The following COL18A1 variants were observed in gnomAD, a reference collection of about 807,000 sequenced individuals.
COL18A1 encodes the protein collagen type XVIII alpha 1 chain, also known as collagen alpha-1(XVIII) chain.
A neutral mutation model predicts 168.0 loss-of-function variants in COL18A1; 133 were observed. The observed-to-expected ratio is 0.79, with a 90% confidence interval of 0.69 to 0.91. The LOEUF is 0.91. COL18A1 is among the 40% of genes least tolerant of loss of function. The pLI is 0.00. For missense variants in COL18A1, 2,126 were observed against 1,925.4 expected (o/e 1.10, Z -1.95); for synonymous variants, 949 against 809.0 (o/e 1.17, Z -2.94).
chr21:45,441,890 C>T lies in COL18A1; in HGVS notation c.107-26352C>T, dbSNP rs1015223926. 9.4e-4 allele frequency among the ~76,000 whole-genome samples: 143 copies of T among 152,344 alleles called. 1 individual carries two copies. Among genetic ancestry groups the T allele is most frequent in the African/African-American group, 3.2e-3 (135 of 41,584 alleles). On this transcript the variant is annotated intron_variant, in intron 2 of 41. Coordinates refer to ENST00000651438, the MANE Select transcript of COL18A1 (RefSeq NM_001379500.1). The stretch of plus-strand genomic sequence containing the variant: ...ACTCCCCATGCCACTCCCAAGGCCA[C>T]GGGAGGCCGCCCTCAGCACAGGGTC...
In COL18A1 at chr21:45,492,714, G is replaced by C. The variant is rs151228115; in HGVS notation, c.2214+1G>C. On this transcript the variant is annotated splice_donor_variant, in intron 24 of 41. Coordinates refer to ENST00000651438, the MANE Select transcript of COL18A1 (RefSeq NM_001379500.1). LOFTEE classifies it high-confidence loss of function. ...CCGGCCGGGTTTCGCAGGCTTTCCC[G>C]TGAGTAACCTGGTGCCAGAGCTGCA... 4.4e-6 allele frequency: 7 copies of C among 1,606,644 alleles called. No homozygotes were observed. The highest frequency in any genetic ancestry group is 4.0e-5 in the African/African-American group (3 of 74,788).
chr21:45,475,344 C>T, intron 4 of COL18A1, 132 bp from the exon 5 acceptor site: 3 of 827,472 alleles, frequency 3.6e-6, no homozygotes, highest in Non-Finnish European at 6.1e-6. Flanking sequence ...CGGAGAGCAC[C>T]AGAGAGGGCT....
intron 21 of COL18A1, 88 bp downstream of exon 21, chr21:45,490,959 C>T (rs2036319746): frequency 3.9e-6 from 5 of 1,298,086 alleles, no homozygotes; most frequent in Admixed American, 2.0e-5. Flanking sequence ...GTCCGTGCCC[C>T]TGCTGCCCAT....
chr21:45,510,673 CTTTA>C (rs1020778473), intron 40 of COL18A1, among the ~76,000 whole-genome samples: 7 of 152,334 alleles, frequency 4.6e-5, no homozygotes, highest in Admixed American at 3.9e-4. Context: ...ACCCATGTGG[CTTTA>C]TTCTGTGGCC....
Position 45,490,860 on chromosome 21 carries a change from C to G in COL18A1, c.2056C>G (p.Arg686Gly). 6.5e-7 allele frequency: 1 copy of G among 1,549,970 alleles called. No homozygotes were observed. The highest frequency in any genetic ancestry group is 8.7e-7 in the Non-Finnish European group (1 of 1,146,760). ...GGGGCCAAAGGGAGACAGAGGCAGCCGGGGAGAAAAGGTGAGTGTCCCTGG... is the reference window on the plus strand; with the variant it reads ...GGGGCCAAAGGGAGACAGAGGCAGCGGGGGAGAAAAGGTGAGTGTCCCTGG... ...PQGPKGDRGS[R>G]GEKGDPGKDG... The change falls in exon 21 of 42, where the codon CGG becomes GGG. Residue 686 changes from arginine to glycine, a missense_variant. Transcript: ENST00000651438.
At chr21:45,476,233 T>A (rs2035644627) in intron 5 of COL18A1, 118 bp from the exon 6 acceptor site, 1 of 1,471,236 alleles carries the variant, frequency 6.8e-7, no homozygotes, top group Non-Finnish European at 9.2e-7. Context: ...CCCTCCTGTT[T>A]CAGAGGATTT....
chr21:45,456,805 G>A, intron 2 of COL18A1: 2 of 1,538,698 alleles, frequency 1.3e-6, no homozygotes, highest in Non-Finnish European at 1.8e-6. Flanking sequence ...GCCTGGGCGG[G>A]GGCCGGCTGC....
rs1226500176 is a variant in COL18A1, at chr21:45,442,925, CGGT to C, written c.107-25309_107-25307del. 1.1e-3 allele frequency among the ~76,000 whole-genome samples: 83 copies of C among 72,708 alleles called. 2 individuals are homozygous for C. Among genetic ancestry groups the C allele is most frequent in the African/African-American group, 5.3e-3 (75 of 14,152 alleles). The allele number at this position is 72,708 out of a possible 152,430, so 47.7% of individuals were successfully genotyped here. A position where few individuals can be genotyped will look rare whatever the true frequency, so the allele number is the denominator to read the frequency against. On this transcript the variant is annotated intron_variant, in intron 2 of 41. Coordinates refer to ENST00000651438, the MANE Select transcript of COL18A1 (RefSeq NM_001379500.1). ...ATGTGGGTGGTGGTGCTGGTGTGGG[CGGT>C]GGTGGTGCTGGTGTGGGCAGCGGTG... is the stretch of plus-strand genomic sequence containing the variant.
intron 14 of COL18A1, among the ~76,000 whole-genome samples, 167 bp from the exon 15 acceptor site, chr21:45,482,628 C>T (rs1391300243): frequency 6.6e-6 from 1 of 152,160 alleles, no homozygotes. Context: ...CCAACCACAC[C>T]AGAAAGGGGG....
chr21:45,467,245 G>C, intron 2 of COL18A1: 1 of 985,400 alleles, frequency 1.0e-6, no homozygotes, highest in Non-Finnish European at 1.2e-6. Flanking sequence ...CCGGGGCTGC[G>C]TCCTGGCTTG....
intron 2 of COL18A1, among the ~76,000 whole-genome samples, chr21:45,437,210 GCACACA>G (rs368081758): frequency 3.6e-5 from 3 of 83,674 alleles, no homozygotes; most frequent in East Asian, 4.5e-4. Context: ...GCACTCTCCT[GCACACA>G]CACACACAGA....
At position 45,473,997 on chromosome 21, in the gene COL18A1, G is replaced by C; in HGVS notation, c.738+16G>C. ...CTCAGATGGGGTGAGTGACATCTGG[G>C]GCACGGGTGGGGTCTCCCCTCAATC... On this transcript the variant is annotated intron_variant, in intron 4 of 41. Coordinates refer to ENST00000651438, the MANE Select transcript of COL18A1 (RefSeq NM_001379500.1). The surrounding 1 kb of genome is among the most constrained non-coding windows in gnomAD (Gnocchi z 4.0). 1.9e-6 allele frequency: 3 copies of C among 1,567,692 alleles called. No individual in the cohort carries two copies. Among genetic ancestry groups the C allele is most frequent in the Non-Finnish European group, 2.6e-6 (3 of 1,154,384 alleles).
chr21:45,501,290 C>CT lies in COL18A1; in HGVS notation c.2684-2721_2684-2720insT, dbSNP rs921778098. Among the ~76,000 whole-genome samples the CT allele has an allele frequency of 3.0e-4, 46 of 152,030 alleles. 2 individuals are homozygous for CT. The highest frequency in any genetic ancestry group is 1.5e-5 in the Non-Finnish European group (1 of 67,994). ...ATTGGCAAAGTGAAAAAGAAAAACA[C>CT]AAATCAATCATTATAGGGGGACTTT... is the stretch of plus-strand genomic sequence containing the variant. On this transcript the variant is annotated intron_variant, in intron 32 of 41. Transcript: ENST00000651438.
chr21:45,499,246 C>T (rs533673454), intron 32 of COL18A1, among the ~76,000 whole-genome samples: 1 of 152,134 alleles, frequency 6.6e-6, no homozygotes, highest in East Asian at 1.9e-4. Flanking sequence ...CCACTCCAGA[C>T]CCGAGCTGTG....
intron 2 of COL18A1, among the ~76,000 whole-genome samples, chr21:45,448,726 C>T (rs1044045221): frequency 2.0e-5 from 3 of 152,238 alleles, no homozygotes; most frequent in African/African-American, 7.2e-5. Flanking sequence ...GTGAACAGGT[C>T]GTCTTCAGAT....
In COL18A1 at chr21:45,477,914, A is replaced by T. The variant is rs779350326; in HGVS notation, c.1170A>T (p.Gly390=). 6 of 1,563,996 alleles carry T rather than the reference A, an allele frequency of 3.8e-6. No individual in the cohort carries two copies. In the East Asian group the frequency reaches 1.2e-4, roughly 31 times the overall value. The change falls in exon 8 of 42, where the codon GGA becomes GGT. Residue 390 remains glycine, a synonymous_variant. Transcript: ENST00000651438. The part of the protein sequence containing the change: ...PALQTVPGPQ[G]PPGPPGRDGT... Reference sequence around the variant, plus strand: ...TGCAAACTGTCCCCGGACCACAAGGACCCCCAGGGCCTCCGGGGAGGGACG... The same window carrying T: ...TGCAAACTGTCCCCGGACCACAAGGTCCCCCAGGGCCTCCGGGGAGGGACG...
chr21:45,439,146 G>A (rs974777503), intron 2 of COL18A1, among the ~76,000 whole-genome samples: 1 of 152,256 alleles, frequency 6.6e-6, no homozygotes, highest in African/African-American at 2.4e-5. Context: ...TTTAATTCGA[G>A]AAAACCTATC....
intron 29 of COL18A1, chr21:45,496,274 G>A (rs929137893): frequency 5.1e-5 from 36 of 707,152 alleles, no homozygotes; most frequent in Non-Finnish European, 8.4e-5. Flanking sequence ...CACTCCTCCC[G>A]AGGGACGTCT....
At chr21:45,511,409 T>C (rs938765530) in intron 41 of COL18A1, among the ~76,000 whole-genome samples, 183 bp downstream of exon 41, 1 of 152,110 alleles carries the variant, frequency 6.6e-6, no homozygotes, top group African/African-American at 2.4e-5. Flanking sequence ...AAGTCATCAT[T>C]AGCAATGCGT....
Sources: gnomAD v4.1 joint callset for allele counts (sites outside exome capture counted in the v4.1 genomes callset) on GRCh38, gnomAD v4.1.1 for gene constraint, Gnocchi (gnomAD v3.1) non-coding constraint, MANE v1.5 for transcripts, NCBI Gene and HGNC (gene_info 2026-07-23, HGNC 2026-07-21) for gene names.